The following UPF1 variants were observed in gnomAD, a reference collection of about 807,000 sequenced individuals.
UPF1 encodes UPF1 RNA helicase and ATPase.
A neutral mutation model predicts 129.2 loss-of-function variants in UPF1; 9 were observed. That is an observed-to-expected ratio of 0.07 (90% CI 0.04 to 0.12). The LOEUF (loss-of-function observed/expected upper bound fraction) is 0.12, where lower values mean the gene tolerates loss of function less well. Among genes scored for constraint, UPF1 ranks in the 10% least tolerant of loss-of-function variants. The pLI, the probability that UPF1 is intolerant of heterozygous loss-of-function variation, is 1.00. For synonymous variants in UPF1, 649 were observed against 644.9 expected (o/e 1.01, Z -0.10); for missense variants, 788 against 1,525.3 (o/e 0.52, Z 8.05).
intron 1 of UPF1, among the ~76,000 whole-genome samples, chr19:18,841,742 G>A (rs2055543989): frequency 6.6e-6 from 1 of 152,122 alleles, no homozygotes; most frequent in African/African-American, 2.4e-5. Context: ...TCCCCGGGCT[G>A]GGAAGGCAGG....
At chr19:18,864,730 G>C (rs2055820670) in intron 20 of UPF1, among the ~76,000 whole-genome samples, 1 of 108,042 alleles carries the variant, frequency 9.3e-6, no homozygotes, top group African/African-American at 3.5e-5. Context: ...CCAATTTGCA[G>C]GTGTTTTTTT....
chr19:18,856,335 G>A, intron 13 of UPF1, 35 bp downstream of exon 13: 1 of 1,561,954 alleles, frequency 6.4e-7, no homozygotes, highest in Non-Finnish European at 8.7e-7. Flanking sequence ...AGGGCCTGTG[G>A]GCTGGCGGCC....
chr19:18,864,897 C>T (rs1390989961), intron 20 of UPF1, among the ~76,000 whole-genome samples: 3 of 151,878 alleles, frequency 2.0e-5, no homozygotes, highest in Non-Finnish European at 4.4e-5. Context: ...CACCACCATG[C>T]CCGGCTAGTT....
At position 18,860,365 on chromosome 19, in the gene UPF1, G is replaced by A. The variant is rs867120510; in HGVS notation, c.2227G>A (p.Asp743Asn). The A allele has an allele frequency of 2.5e-6, 4 of 1,613,984 alleles. No individual in the cohort carries two copies. The highest frequency in any genetic ancestry group is 2.7e-5 in the African/African-American group (2 of 74,906). Residue 743 changes from aspartate to asparagine, a missense_variant, in exon 16 of 24, where the codon GAT (aspartate) becomes AAT (asparagine). By Grantham distance (23) the Asp-to-Asn change is conservative. Coordinates refer to ENST00000262803, the MANE Select transcript of UPF1 (RefSeq NM_002911.4). ...ATTTGACTTCCAGTGGCCCCAACCCGATAAACCGATGTTCTTCTACGTGAC... is the reference window on the plus strand; with the variant it reads ...ATTTGACTTCCAGTGGCCCCAACCCAATAAACCGATGTTCTTCTACGTGAC... ...KGFDFQWPQP[D>N]KPMFFYVTQG... is the part of the protein sequence containing the mutation.
Position 18,832,332 on chromosome 19 carries a change from T to G in UPF1, c.123T>G (p.Pro41=). The change falls in exon 1 of 24, where the codon CCT becomes CCG. Residue 41 remains proline (P), a synonymous_variant. Coordinates refer to ENST00000262803, the MANE Select transcript of UPF1 (RefSeq NM_002911.4). The surrounding 1 kb of genome is among the most constrained non-coding windows in gnomAD (Gnocchi z 5.6). ...SEFEFTDFTL[P]SQTQTPPGGP... Reference sequence around the variant, plus strand: ...TCGAGTTCACCGACTTTACTCTTCCTAGCCAGACGCAGACGCCCCCCGGCG... The same window carrying G: ...TCGAGTTCACCGACTTTACTCTTCCGAGCCAGACGCAGACGCCCCCCGGCG... The G allele has an allele frequency of 6.9e-7, 1 of 1,444,950 alleles. No individual in the cohort carries two copies. The allele number at this position is 1,444,950 out of a possible 1,614,324, so 89.5% of individuals were successfully genotyped here. A position where few individuals can be genotyped will look rare whatever the true frequency, so the allele number is the denominator to read the frequency against.
At position 18,852,200 on chromosome 19, in the gene UPF1, C is replaced by T. The variant is rs371647168; in HGVS notation, c.876C>T (p.Val292=). ...KPGVDEEPQH[V]LLRYEDAYQY... ...GGGTGGACGAGGAGCCGCAGCATGT[C>T]CTCCTGCGGTACGAGGACGCCTACC... Residue 292 remains valine (V), a synonymous_variant, in exon 6 of 24, where the codon GTC becomes GTT. Transcript: ENST00000262803. 6.8e-6 allele frequency: 11 copies of T among 1,613,556 alleles called. No individual in the cohort carries two copies. The highest frequency in any genetic ancestry group is 1.3e-5 in the African/African-American group (1 of 74,898).
intron 1 of UPF1, among the ~76,000 whole-genome samples, chr19:18,838,225 G>A (rs1200843973): frequency 6.6e-6 from 1 of 152,256 alleles, no homozygotes; most frequent in African/African-American, 2.4e-5. Context: ...TGTAATCCCA[G>A]TACTTTGGGA....
chr19:18,854,220 T>G (rs1479244575), intron 8 of UPF1, among the ~76,000 whole-genome samples: 1 of 152,202 alleles, frequency 6.6e-6, no homozygotes, highest in Non-Finnish European at 1.5e-5. Flanking sequence ...CTGCCCCTGC[T>G]GGCCACATGT....
Position 18,865,354 on chromosome 19 carries a change from C to G in UPF1, c.2923C>G (p.His975Asp). 6.2e-7 allele frequency: 1 copy of G among 1,614,048 alleles called. No homozygotes were observed. Among genetic ancestry groups the G allele is most frequent in the Non-Finnish European group, 8.5e-7 (1 of 1,180,006 alleles). The change falls in exon 21 of 24, where the codon CAC becomes GAC. Residue 975 changes from histidine (H) to aspartate (D), a missense_variant. Transcript: ENST00000262803. The surrounding 1 kb of genome is among the most constrained non-coding windows in gnomAD (Gnocchi z 6.1). ...TGGCATGATCAGTGCCGGCCCTAGC[C>G]ACGTGGCTGCCATGAACATTCCCAT... ...QIGMISAGPSHVAAMNIPIPF... is the reference protein window; with the variant it reads ...QIGMISAGPSDVAAMNIPIPF...
intron 11 of UPF1, chr19:18,855,484 G>T: frequency 1.7e-6 from 1 of 589,660 alleles, no homozygotes; most frequent in Non-Finnish European, 3.0e-6. Flanking sequence ...GGGCATGGCT[G>T]CAGCAGCGTG....
intron 20 of UPF1, among the ~76,000 whole-genome samples, chr19:18,864,657 A>C (rs1406116693): frequency 6.6e-6 from 1 of 150,572 alleles, no homozygotes; most frequent in Non-Finnish European, 1.5e-5. Context: ...CTCCTGCCTC[A>C]AGCAGTCCTT....
chr19:18,855,688 A>G, intron 11 of UPF1: 1 of 588,702 alleles, frequency 1.7e-6, no homozygotes, highest in Non-Finnish European at 2.9e-6. Context: ...TACAAAAAAA[A>G]AATTCAGAAA....
chr19:18,840,412 G>T (rs1369250841), intron 1 of UPF1, among the ~76,000 whole-genome samples: 1 of 152,174 alleles, frequency 6.6e-6, no homozygotes, highest in Non-Finnish European at 1.5e-5. Context: ...CGCTGGGGAG[G>T]CACCGTCCTG....
Position 18,863,619 on chromosome 19 carries a change from G to T in UPF1, c.2775+7G>T. On this transcript the variant is annotated splice_region_variant and intron_variant, in intron 19 of 23. Coordinates refer to ENST00000262803, the MANE Select transcript of UPF1 (RefSeq NM_002911.4). ...GGTCAACACTATCAACCCGGTGAGC[G>T]CCTGCACAGGACAGCAGGGCAGCAC... The T allele has an allele frequency of 6.2e-7, 1 of 1,611,402 alleles. No homozygotes were observed. The highest frequency in any genetic ancestry group is 8.5e-7 in the Non-Finnish European group (1 of 1,178,782).
chr19:18,834,237 C>T (rs568953586), intron 1 of UPF1, among the ~76,000 whole-genome samples: 3 of 152,252 alleles, frequency 2.0e-5, no homozygotes, highest in South Asian at 4.1e-4. Flanking sequence ...CGGGGAGACT[C>T]GGTAAAGATC....
chr19:18,852,345 GCT>G (rs2055668634), intron 6 of UPF1, 49 bp downstream of exon 6: 2 of 1,602,480 alleles, frequency 1.2e-6, no homozygotes, highest in Non-Finnish European at 1.7e-6. Flanking sequence ...GGCTCTCACA[GCT>G]CTCTCCTCAG....
chr19:18,855,595 C>G (rs1179784839), intron 11 of UPF1: 5 of 497,246 alleles, frequency 1.0e-5, no homozygotes, highest in Non-Finnish European at 1.4e-5. Context: ...CTGTCTGGAT[C>G]TGAGCTCCTT....
At chr19:18,843,037 G>T (rs1336986689) in intron 1 of UPF1, among the ~76,000 whole-genome samples, 1 of 152,088 alleles carries the variant, frequency 6.6e-6, no homozygotes, top group African/African-American at 2.4e-5. Flanking sequence ...TCTTGCCCAG[G>T]CTATTCTCAA....
At chr19:18,835,023 G>A (rs1262325907) in intron 1 of UPF1, among the ~76,000 whole-genome samples, 1 of 152,114 alleles carries the variant, frequency 6.6e-6, no homozygotes. Context: ...TATATTCAGA[G>A]TTGTGCAGCC....
Sources: gnomAD v4.1 joint callset for allele counts (sites outside exome capture counted in the v4.1 genomes callset) on GRCh38, gnomAD v4.1.1 for gene constraint, Gnocchi (gnomAD v3.1) non-coding constraint, MANE v1.5 for transcripts, NCBI Gene and HGNC (gene_info 2026-07-23, HGNC 2026-07-21) for gene names.